Variants in OSBPL3 observed in about 807,000 individuals in gnomAD.
The protein encoded by OSBPL3 is oxysterol-binding protein-related protein 3.
OSBPL3 carries 65 observed loss-of-function variants against 120.1 expected under a neutral mutation model. That is an observed-to-expected ratio of 0.54 (90% CI 0.44 to 0.67). The LOEUF is 0.67. OSBPL3 is among the 30% of genes least tolerant of loss of function. The pLI is 0.00. For synonymous variants in OSBPL3, 416 were observed against 402.6 expected, an observed-to-expected ratio of 1.03 and a Z score of -0.40; for missense variants, 1,004 against 1,082.1, an observed-to-expected ratio of 0.93 and a Z score of 1.01.
chr7:24,957,379 T>G (rs931131309), intron 1 of OSBPL3, among the ~76,000 whole-genome samples: 2 of 152,178 alleles, frequency 1.3e-5, no homozygotes, highest in Non-Finnish European at 2.9e-5. Flanking sequence ...ATTACTTCTT[T>G]CGTAATGAAT....
rs34525401 is a variant in OSBPL3 at position 24,979,289 on chromosome 7, CA to C, written c.-150+596del. On this transcript the variant is annotated intron_variant, in intron 1 of 22. Coordinates refer to ENST00000313367, the MANE Select transcript of OSBPL3 (RefSeq NM_015550.4). ...CTGAACAGTAGTAATTGGAAACTAA[CA>C]AAAAAAAAAAATTCCAGAAGGGGCC... Among the ~76,000 whole-genome samples, 80 of 148,154 alleles carry C rather than the reference CA, an allele frequency of 5.4e-4. 5 individuals carry two copies. Among genetic ancestry groups the C allele is most frequent in the South Asian group, 1.7e-3 (8 of 4,702 alleles).
rs1430550095 is a variant in OSBPL3, at chr7:24,800,223, T to C, written c.2624A>G (p.Asp875Gly). The change falls in exon 23 of 23, where the codon GAT (aspartate) becomes GGT (glycine). Residue 875 changes from aspartate to glycine, a missense_variant. Coordinates refer to ENST00000313367, the MANE Select transcript of OSBPL3 (RefSeq NM_015550.4). ...ATGGTCCAGTTTGGAAAAACCAAGATCTTTTCTAAGTTCCAAATAGGTGCC... is the reference window on the plus strand; with the variant it reads ...ATGGTCCAGTTTGGAAAAACCAAGACCTTTTCTAAGTTCCAAATAGGTGCC... ...SNGTYLELRK[D>G]LGFSKLDHPV... The C allele has an allele frequency of 1.9e-6, 3 of 1,612,228 alleles. No homozygotes were observed. Among genetic ancestry groups the C allele is most frequent in the Non-Finnish European group, 1.7e-6 (2 of 1,178,330 alleles).
chr7:24,925,123 A>C (rs1157501603), intron 1 of OSBPL3, among the ~76,000 whole-genome samples: 3 of 152,260 alleles, frequency 2.0e-5, no homozygotes, highest in Non-Finnish European at 4.4e-5. Context: ...TTTAAACACC[A>C]TGTATGTTAG....
chr7:24,934,587 C>T (rs578220149), intron 1 of OSBPL3, among the ~76,000 whole-genome samples: 41 of 152,272 alleles, frequency 2.7e-4, no homozygotes, highest in South Asian at 6.2e-4. Context: ...TTCTCAAAAT[C>T]GGATTAGAAA....
intron 14 of OSBPL3, among the ~76,000 whole-genome samples, chr7:24,840,089 A>G (rs930555299): frequency 6.6e-6 from 1 of 151,930 alleles, no homozygotes; most frequent in East Asian, 1.9e-4. Context: ...AAAAATTTGC[A>G]TAAGCAGACA....
rs1323064696 is a variant in OSBPL3 at position 24,797,471 on chromosome 7, G to C, written c.*2712C>G. ...GCTTGTAGGAGAGGAACTACATGGA[G>C]AAGCTGCATTGAGGCTTTTATTATT... On this transcript the variant is annotated 3_prime_UTR_variant, in exon 23 of 23. Transcript: ENST00000313367. The surrounding 1 kb of genome is among the most constrained non-coding windows in gnomAD (Gnocchi z 4.8). 1 of 152,172 alleles carries C rather than the reference G, an allele frequency of 6.6e-6. No individual in the cohort carries two copies. The highest frequency in any genetic ancestry group is 1.5e-5 in the Non-Finnish European group (1 of 68,036). 9.4% of individuals were successfully genotyped at this position (152,172 alleles called of 1,614,324 possible).
intron 1 of OSBPL3, among the ~76,000 whole-genome samples, chr7:24,941,356 G>A (rs1345573927): frequency 2.4e-4 from 36 of 152,140 alleles, no homozygotes; most frequent in Admixed American, 2.2e-3. Context: ...ATTTCTTAAA[G>A]TCTCTACTCC....
chr7:24,828,101 C>T (rs529109720), intron 16 of OSBPL3, among the ~76,000 whole-genome samples: 35 of 151,922 alleles, frequency 2.3e-4, no homozygotes, highest in Admixed American at 2.0e-3. Flanking sequence ...CTCGGCTCAC[C>T]GCATCCTCCA....
At chr7:24,901,648 A>G (rs1807054039) in intron 1 of OSBPL3, among the ~76,000 whole-genome samples, 1 of 152,210 alleles carries the variant, frequency 6.6e-6, no homozygotes, top group Non-Finnish European at 1.5e-5. Context: ...AACAGACCCT[A>G]TCCTAGATCT....
chr7:24,902,436 A>G (rs1186037815), intron 1 of OSBPL3, among the ~76,000 whole-genome samples: 1 of 152,146 alleles, frequency 6.6e-6, no homozygotes, highest in East Asian at 1.9e-4. Flanking sequence ...CATTCCTGCA[A>G]CATGACTATG....
chr7:24,898,855 G>C lies in OSBPL3; in HGVS notation c.-149-6234C>G, dbSNP rs1406344555. On this transcript the variant is annotated intron_variant, in intron 1 of 22. Coordinates refer to ENST00000313367, the MANE Select transcript of OSBPL3 (RefSeq NM_015550.4). The surrounding 1 kb of genome is among the most constrained non-coding windows in gnomAD (Gnocchi z 4.3). ...TAACATGGCTAGATCATCACTGCTTGACCACTTCCTGTGACAGAAACAAGG... is the reference window on the plus strand; with the variant it reads ...TAACATGGCTAGATCATCACTGCTTCACCACTTCCTGTGACAGAAACAAGG... 6.6e-6 allele frequency among the ~76,000 whole-genome samples: 1 copy of C among 152,138 alleles called. No homozygotes were observed. The highest frequency in any genetic ancestry group is 1.5e-5 in the Non-Finnish European group (1 of 68,024).
rs1382755092 is a variant in OSBPL3 at position 24,833,247 on chromosome 7, AATCCCAGCATTTT to A, written c.1746+1226_1746+1238del. On this transcript the variant is annotated intron_variant, in intron 15 of 22. Coordinates refer to ENST00000313367, the MANE Select transcript of OSBPL3 (RefSeq NM_015550.4). The surrounding 1 kb of genome is among the most constrained non-coding windows in gnomAD (Gnocchi z 4.4). Reference sequence around the variant, plus strand: ...GCCAGGTACAGTGACTCATGCCTGTAATCCCAGCATTTTGGGAGGCCAGGGCAGGAGGGTTGCT... The same window carrying A: ...GCCAGGTACAGTGACTCATGCCTGTAGGGAGGCCAGGGCAGGAGGGTTGCT... Among the ~76,000 whole-genome samples the A allele has an allele frequency of 6.6e-6, 1 of 152,194 alleles. No individual in the cohort carries two copies.
At chr7:24,931,029 C>G (rs942056986) in intron 1 of OSBPL3, among the ~76,000 whole-genome samples, 1 of 152,266 alleles carries the variant, frequency 6.6e-6, no homozygotes, top group South Asian at 2.1e-4. Context: ...ACATCCATTT[C>G]CCAACCATTG....
rs577026434 is a variant in OSBPL3, at chr7:24,845,149, C to T, written c.1267-2736G>A. 4.6e-5 allele frequency among the ~76,000 whole-genome samples: 7 copies of T among 151,858 alleles called. No individual in the cohort carries two copies. The East Asian group carries it at 1.4e-3, about 29-fold the overall frequency. On this transcript the variant is annotated intron_variant, in intron 12 of 22. Transcript: ENST00000313367. ...CAAAATATATATTACCTAATTACAC[C>T]AACAAGTAAGGAAACCTCTGTTTTT...
Position 24,805,355 on chromosome 7 carries a change from T to G in OSBPL3, c.2445-918A>C, listed in dbSNP as rs1338048814. On this transcript the variant is annotated intron_variant, in intron 21 of 22. Coordinates refer to ENST00000313367, the MANE Select transcript of OSBPL3 (RefSeq NM_015550.4). This position sits in a 1 kb window ranked among gnomAD's most constrained non-coding sequence, Gnocchi z 4.0. ...TAAGGCTGAGCATCTTTTCACATGC[T>G]TAAGGGATATCTGCATTTCCTATTT... Among the ~76,000 whole-genome samples the G allele has an allele frequency of 3.9e-5, 6 of 152,236 alleles. No individual in the cohort carries two copies. The highest frequency in any genetic ancestry group is 1.4e-4 in the African/African-American group (6 of 41,462).
rs1801215559 is a variant in OSBPL3 at position 24,865,685 on chromosome 7, T to C, written c.550-220A>G. 3.9e-5 allele frequency among the ~76,000 whole-genome samples: 6 copies of C among 152,230 alleles called. No homozygotes were observed. The South Asian group carries it at 1.2e-3, about 31-fold the overall frequency. The stretch of plus-strand genomic sequence containing the variant: ...CCTTGAATGGTGGACCTAATTTTCT[T>C]CTTTTATCAAATATTAATAACATCA... On this transcript the variant is annotated intron_variant, in intron 6 of 22. Transcript: ENST00000313367.
chr7:24,916,310 T>G lies in OSBPL3; in HGVS notation c.-149-23689A>C, dbSNP rs1407939728. Among the ~76,000 whole-genome samples, 1 of 152,240 alleles carries G rather than the reference T, an allele frequency of 6.6e-6. No individual in the cohort carries two copies. The highest frequency in any genetic ancestry group is 1.5e-5 in the Non-Finnish European group (1 of 68,034). On this transcript the variant is annotated intron_variant, in intron 1 of 22. Transcript: ENST00000313367. This position sits in a 1 kb window ranked among gnomAD's most constrained non-coding sequence, Gnocchi z 4.9. The stretch of plus-strand genomic sequence containing the variant: ...CAATTATTTCTGCCCATCATTTATC[T>G]ACCCATCCTTCTGTTCCTCTCTCAC...
intron 22 of OSBPL3, among the ~76,000 whole-genome samples, chr7:24,801,685 A>G (rs181353752): frequency 2.0e-5 from 3 of 152,328 alleles, no homozygotes; most frequent in Non-Finnish European, 2.9e-5. Flanking sequence ...GGCCATGTCC[A>G]TTTGTTTAAA....
chr7:24,868,756 AT>A (rs1801709649), intron 5 of OSBPL3, among the ~76,000 whole-genome samples: 1 of 152,166 alleles, frequency 6.6e-6, no homozygotes, highest in Non-Finnish European at 1.5e-5. Context: ...CTTGAAATGT[AT>A]TTCATTTCCC....
Sources: gnomAD v4.1 joint callset for allele counts (sites outside exome capture counted in the v4.1 genomes callset) on GRCh38, gnomAD v4.1.1 for gene constraint, Gnocchi (gnomAD v3.1) non-coding constraint, MANE v1.5 for transcripts, NCBI Gene and HGNC (gene_info 2026-07-23, HGNC 2026-07-21) for gene names.